The following SCN3B variants were observed in gnomAD, a reference collection of about 807,000 sequenced individuals.
The protein encoded by SCN3B is sodium voltage-gated channel beta subunit 3.
A neutral mutation model predicts 25.4 loss-of-function variants in SCN3B; 11 were observed. The ratio of observed to expected loss-of-function variants is 0.43; its 90% CI spans 0.27 to 0.72. The LOEUF (loss-of-function observed/expected upper bound fraction) is 0.72, where lower values mean the gene tolerates loss of function less well. Among genes scored for constraint, SCN3B ranks in the 30% least tolerant of loss-of-function variants. SCN3B has a pLI of 0.18. For synonymous variants in SCN3B, 109 were observed against 110.7 expected (o/e 0.99, Z 0.09); for missense variants, 218 against 278.3 (o/e 0.78, Z 1.54).
intron 2 of SCN3B, among the ~76,000 whole-genome samples, chr11:123,649,779 C>T (rs1387595868): frequency 6.6e-6 from 1 of 151,732 alleles, no homozygotes; most frequent in African/African-American, 2.4e-5. Flanking sequence ...TCTCAGCTTA[C>T]TGCAACCTCC....
chr11:123,641,882 G>T (rs1235421300), intron 4 of SCN3B, among the ~76,000 whole-genome samples: 2 of 152,208 alleles, frequency 1.3e-5, no homozygotes, highest in African/African-American at 4.8e-5. Flanking sequence ...TTCTCAAGGT[G>T]TGGTCCCAGC....
chr11:123,633,948 ACAT>A (rs901912712), intron 6 of SCN3B, 170 bp downstream of exon 6: 24 of 606,876 alleles, frequency 4.0e-5, no homozygotes, highest in Non-Finnish European at 6.4e-5. Context: ...CGAAGCGCTG[ACAT>A]CATACAGAGC....
At chr11:123,650,717 C>A (rs1310117056) in intron 2 of SCN3B, among the ~76,000 whole-genome samples, 8 of 152,112 alleles carry the variant, frequency 5.3e-5, no homozygotes, top group Middle Eastern at 3.2e-3. Flanking sequence ...ATGAGAGGTG[C>A]TAGAAGGAGC....
Position 123,642,911 on chromosome 11 carries a change from G to A in SCN3B, c.220-240C>T, listed in dbSNP as rs780569525. On this transcript the variant is annotated intron_variant, in intron 3 of 6. Transcript: ENST00000299333. The surrounding 1 kb of genome is among the most constrained non-coding windows in gnomAD (Gnocchi z 4.3). ...GCAGCAGGCATCAGGGCATGTGGAC[G>A]TGGTGAGGACAGAGGCAGCCACGGG... Among the ~76,000 whole-genome samples the A allele has an allele frequency of 2.0e-5, 3 of 152,054 alleles. No individual in the cohort carries two copies. Among genetic ancestry groups the A allele is most frequent in the Non-Finnish European group, 2.9e-5 (2 of 67,990 alleles).
chr11:123,634,224 A>G lies in SCN3B; in HGVS notation c.585-18T>C, dbSNP rs1955701575. 4 of 1,610,910 alleles carry G rather than the reference A, an allele frequency of 2.5e-6. No individual in the cohort carries two copies. Reference sequence around the variant, plus strand: ...AGTCAGACCTATAGAGGACACAGGGAAAGGGAATCAGAGCTTCAGTGCCCA... The same window carrying G: ...AGTCAGACCTATAGAGGACACAGGGGAAGGGAATCAGAGCTTCAGTGCCCA... On this transcript the variant is annotated intron_variant, in intron 5 of 6. Coordinates refer to ENST00000299333, the MANE Select transcript of SCN3B (RefSeq NM_001040151.2).
At chr11:123,654,063 C>A in intron 1 of SCN3B, 163 bp downstream of exon 1, 1 of 564,244 alleles carries the variant, frequency 1.8e-6, no homozygotes. Context: ...CCGCTCTCGC[C>A]GGCGCTCAGC....
intron 2 of SCN3B, among the ~76,000 whole-genome samples, chr11:123,647,798 A>G (rs1955871042): frequency 6.6e-6 from 1 of 152,248 alleles, no homozygotes; most frequent in East Asian, 1.9e-4. Context: ...CATGGAGTTT[A>G]AAAACTAGTG....
chr11:123,640,652 G>A (rs1196126734), intron 4 of SCN3B: 1 of 152,206 alleles, frequency 6.6e-6, no homozygotes, highest in Non-Finnish European at 1.5e-5. Flanking sequence ...ACGTCCCTGA[G>A]CAAGCCCCTT....
In SCN3B at chr11:123,629,967, G is replaced by A. The variant is rs946946337; in HGVS notation, c.*3832C>T. The A allele has an allele frequency of 1.3e-5, 2 of 152,146 alleles. No individual in the cohort carries two copies. The highest frequency in any genetic ancestry group is 2.9e-5 in the Non-Finnish European group (2 of 68,050). 9.4% of individuals were successfully genotyped at this position (152,146 alleles called of 1,614,324 possible). On this transcript the variant is annotated 3_prime_UTR_variant, in exon 7 of 7. Coordinates refer to ENST00000299333, the MANE Select transcript of SCN3B (RefSeq NM_001040151.2). Reference sequence around the variant, plus strand: ...ACAGCCTTTTCCCTCAGATTTATGTGAGGAGGACTCACAGATTCTGAGATG... The same window carrying A: ...ACAGCCTTTTCCCTCAGATTTATGTAAGGAGGACTCACAGATTCTGAGATG...
chr11:123,644,143 C>T (rs1215624068), intron 3 of SCN3B, among the ~76,000 whole-genome samples: 3 of 152,218 alleles, frequency 2.0e-5, no homozygotes, highest in African/African-American at 7.2e-5. Flanking sequence ...TCAAAGCTGT[C>T]TTAGTTATTA....
chr11:123,637,695 A>AT (rs991160306), intron 5 of SCN3B, among the ~76,000 whole-genome samples: 5 of 151,746 alleles, frequency 3.3e-5, no homozygotes, highest in Non-Finnish European at 4.4e-5. Context: ...TGCCCAGCTA[A>AT]TTTTTTATAC....
At chr11:123,641,308 T>C (rs1441194976) in intron 4 of SCN3B, among the ~76,000 whole-genome samples, 1 of 152,244 alleles carries the variant, frequency 6.6e-6, no homozygotes, top group Non-Finnish European at 1.5e-5. Context: ...TCAGGAGCCC[T>C]GAGAGTCCCT....
intron 2 of SCN3B, among the ~76,000 whole-genome samples, chr11:123,647,480 G>GAA (rs773578465): frequency 6.6e-6 from 1 of 151,682 alleles, no homozygotes. Context: ...CCTATCTCTT[G>GAA]AAAAAATAAA....
In SCN3B at chr11:123,629,307, C is replaced by T. The variant is rs1372206372; in HGVS notation, c.*4492G>A. 4 of 152,158 alleles carry T rather than the reference C, an allele frequency of 2.6e-5. No individual in the cohort carries two copies. Among genetic ancestry groups the T allele is most frequent in the Admixed American group, 1.3e-4 (2 of 15,266 alleles). The allele number at this position is 152,158 out of a possible 1,614,324, so 9.4% of individuals were successfully genotyped here. A position where few individuals can be genotyped will look rare whatever the true frequency, so the allele number is the denominator to read the frequency against. On this transcript the variant is annotated 3_prime_UTR_variant, in exon 7 of 7. Coordinates refer to ENST00000299333, the MANE Select transcript of SCN3B (RefSeq NM_001040151.2). ...ACATTTCCAGAGTTTGGATTGTGTTCGATGGCAGTTCACAAGCCTGCAAGC... is the reference window on the plus strand; with the variant it reads ...ACATTTCCAGAGTTTGGATTGTGTTTGATGGCAGTTCACAAGCCTGCAAGC...
chr11:123,638,671 G>A (rs1162120220), intron 4 of SCN3B: 9 of 360,456 alleles, frequency 2.5e-5, no homozygotes, highest in Admixed American at 8.0e-5. Context: ...TTAATTTGTA[G>A]GTTGAGGATA....
Position 123,642,659 on chromosome 11 carries a change from G to C in SCN3B, c.232C>G (p.Arg78Gly). 6.2e-7 allele frequency: 1 copy of C among 1,613,768 alleles called. No individual in the cohort carries two copies. Among genetic ancestry groups the C allele is most frequent in the Non-Finnish European group, 8.5e-7 (1 of 1,179,792 alleles). ...GGKDFLIYEY[R>G]NGHQEVESPF... is the part of the protein sequence containing the mutation. The stretch of plus-strand genomic sequence containing the variant: ...CTCTCCACCTCCTGGTGGCCATTCC[G>C]ATACTCGTAAATCTGCAGATAGAGG... Residue 78 changes from arginine to glycine, a missense_variant, in exon 4 of 7, where the codon CGG (arginine) becomes GGG (glycine). By Grantham distance (125) the Arg-to-Gly change is moderately radical (BLOSUM62 -2). Coordinates refer to ENST00000299333, the MANE Select transcript of SCN3B (RefSeq NM_001040151.2). The surrounding 1 kb of genome is among the most constrained non-coding windows in gnomAD (Gnocchi z 4.3).
Position 123,642,362 on chromosome 11 carries a change from G to C in SCN3B, c.445+84C>G. The C allele has an allele frequency of 7.7e-7, 1 of 1,296,584 alleles. No individual in the cohort carries two copies. Among genetic ancestry groups the C allele is most frequent in the Non-Finnish European group, 1.1e-6 (1 of 894,046 alleles). The allele number at this position is 1,296,584 out of a possible 1,614,324, so 80.3% of individuals were successfully genotyped here. A position where few individuals can be genotyped will look rare whatever the true frequency, so the allele number is the denominator to read the frequency against. ...ACATGGGTTTTTGCACTCTTTAAGG[G>C]CCTCACTCGTGGAAAACTGCTGTCC... On this transcript the variant is annotated intron_variant, in intron 4 of 6. Coordinates refer to ENST00000299333, the MANE Select transcript of SCN3B (RefSeq NM_001040151.2). This position sits in a 1 kb window ranked among gnomAD's most constrained non-coding sequence, Gnocchi z 4.3.
chr11:123,653,901 G>C, intron 1 of SCN3B, 75 bp from the exon 2 acceptor site: 1 of 1,378,044 alleles, frequency 7.3e-7, no homozygotes, highest in Non-Finnish European at 1.0e-6. Flanking sequence ...GGGACGAACT[G>C]CCCCCAGGGG....
chr11:123,638,693 CAG>C, intron 4 of SCN3B: 2 of 342,814 alleles, frequency 5.8e-6, no homozygotes, highest in Non-Finnish European at 1.1e-5. Flanking sequence ...TAACACCAGT[CAG>C]GGGTTTGTGA....
Sources: allele counts gnomAD v4.1 joint callset (sites outside exome capture counted in the v4.1 genomes callset), GRCh38; gene constraint gnomAD v4.1.1; non-coding constraint Gnocchi (gnomAD v3.1); transcripts MANE v1.5; gene names NCBI Gene and HGNC (gene_info 2026-07-23, HGNC 2026-07-21).